ST8SIA5: variants seen among roughly 807,000 people sequenced by gnomAD.
ST8SIA5 encodes alpha-2,8-sialyltransferase 8E.
A neutral mutation model predicts 40.2 loss-of-function variants in ST8SIA5; 24 were observed. The ratio of observed to expected loss-of-function variants is 0.60; its 90% confidence interval spans 0.43 to 0.84. The LOEUF is 0.84. Ranked by LOEUF, ST8SIA5 falls within the 40% of genes least tolerant of loss-of-function variation. The pLI, the probability that ST8SIA5 is intolerant of heterozygous loss-of-function variation, is 0.00. For synonymous variants in ST8SIA5, 198 were observed against 201.8 expected (o/e 0.98, Z 0.16); for missense variants, 465 against 498.5 (o/e 0.93, Z 0.64).
rs2039373470 is a variant in ST8SIA5 at position 46,680,129 on chromosome 18, G to A, written c.1044C>T (p.His348=). 1.2e-6 allele frequency: 2 copies of A among 1,614,098 alleles called. No homozygotes were observed. Among genetic ancestry groups the A allele is most frequent in the South Asian group, 2.2e-5 (2 of 91,094 alleles). The part of the protein sequence containing the change: ...YDNVKPRPGF[H]AMPSEIFNFL... Reference sequence around the variant, plus strand: ...AGTTGAAGATCTCAGAGGGCATGGCGTGGAAGCCGGGACGCGGCTTGACGT... The same window carrying A: ...AGTTGAAGATCTCAGAGGGCATGGCATGGAAGCCGGGACGCGGCTTGACGT... Residue 348 remains histidine (H), a synonymous_variant, in exon 7 of 7, where the codon CAC becomes CAT. Coordinates refer to ENST00000315087, the MANE Select transcript of ST8SIA5 (RefSeq NM_013305.6).
At chr18:46,719,820 C>CTCTT (rs71162819) in intron 1 of ST8SIA5, among the ~76,000 whole-genome samples, 113,777 of 137,728 alleles carry the variant, frequency 0.83, 47,416 homozygotes, top group East Asian at 0.95. Context: ...TCCTTCCTTT[C>CTCTT]TCTTTCTTTC....
intron 1 of ST8SIA5, among the ~76,000 whole-genome samples, chr18:46,705,136 C>T (rs1174569171): frequency 1.3e-5 from 2 of 152,212 alleles, no homozygotes; most frequent in Non-Finnish European, 2.9e-5. Flanking sequence ...TACACTGTGA[C>T]ATAGCTGAGA....
rs2039288815 is a variant in ST8SIA5 at position 46,668,511 on chromosome 18, C to T, written c.*11531G>A. On this transcript the variant is annotated 3_prime_UTR_variant, in exon 7 of 7. Coordinates refer to ENST00000315087, the MANE Select transcript of ST8SIA5 (RefSeq NM_013305.6). ...GACTCCAGCATCTGTCCTGGCTTTA[C>T]TTGGGGAGGGAAGTGGCGGGGGATT... 1 of 152,812 alleles carries T rather than the reference C, an allele frequency of 6.5e-6. No homozygotes were observed. The highest frequency in any genetic ancestry group is 1.5e-5 in the Non-Finnish European group (1 of 68,174). The allele number at this position is 152,812 out of a possible 1,614,324, so 9.5% of individuals were successfully genotyped here. A position where few individuals can be genotyped will look rare whatever the true frequency, so the allele number is the denominator to read the frequency against.
Position 46,756,753 on chromosome 18 carries a change from T to G in ST8SIA5, c.-245A>C. The G allele has an allele frequency of 4.4e-6, 2 of 451,772 alleles. No individual in the cohort carries two copies. Among genetic ancestry groups the G allele is most frequent in the Non-Finnish European group, 7.7e-6 (2 of 259,476 alleles). The allele number at this position is 451,772 out of a possible 1,614,324, so 28.0% of individuals were successfully genotyped here. A position where few individuals can be genotyped will look rare whatever the true frequency, so the allele number is the denominator to read the frequency against. On this transcript the variant is annotated 5_prime_UTR_variant, in exon 1 of 7. Transcript: ENST00000315087. Reference sequence around the variant, plus strand: ...GGGAGCTCTGCCGCGGCCAGGGGCCTTCCCCACCCCCGGGTACCTTTACCT... The same window carrying G: ...GGGAGCTCTGCCGCGGCCAGGGGCCGTCCCCACCCCCGGGTACCTTTACCT...
chr18:46,735,820 C>A (rs2040028655), intron 1 of ST8SIA5, among the ~76,000 whole-genome samples: 1 of 152,022 alleles, frequency 6.6e-6, no homozygotes, highest in African/African-American at 2.4e-5. Flanking sequence ...ACTCTGCTGC[C>A]CAGGCTAGTC....
At chr18:46,725,996 T>TATATATATATATCCTGG (rs2039922123) in intron 1 of ST8SIA5, among the ~76,000 whole-genome samples, 3 of 66,054 alleles carry the variant, frequency 4.5e-5, no homozygotes, top group Non-Finnish European at 8.7e-5. Context: ...TATATATATA[T>TATATATATATATCCTGG]ATATATATAT....
chr18:46,750,187 G>T (rs549129968), intron 1 of ST8SIA5, among the ~76,000 whole-genome samples: 19 of 152,270 alleles, frequency 1.2e-4, no homozygotes, highest in Middle Eastern at 3.4e-3. Flanking sequence ...AAGGCCCAAG[G>T]TTATTTGGTT....
chr18:46,669,652 C>T lies in ST8SIA5; in HGVS notation c.*10390G>A, dbSNP rs447137. Reference sequence around the variant, plus strand: ...AGAGGATGATCAGCCACACCATCACCCACACTGCAAAGTCCCTTGGAGATG... The same window carrying T: ...AGAGGATGATCAGCCACACCATCACTCACACTGCAAAGTCCCTTGGAGATG... On this transcript the variant is annotated 3_prime_UTR_variant, in exon 7 of 7. Coordinates refer to ENST00000315087, the MANE Select transcript of ST8SIA5 (RefSeq NM_013305.6). 0.23 allele frequency: 35,706 copies of T among 151,942 alleles called. 4,473 individuals are homozygous for T. Among genetic ancestry groups the T allele is most frequent in the Middle Eastern group, 0.3 (88 of 294 alleles). The allele number at this position is 151,942 out of a possible 1,614,324, so 9.4% of individuals were successfully genotyped here. A position where few individuals can be genotyped will look rare whatever the true frequency, so the allele number is the denominator to read the frequency against.
At chr18:46,705,260 C>A (rs938870522) in intron 1 of ST8SIA5, among the ~76,000 whole-genome samples, 1 of 152,146 alleles carries the variant, frequency 6.6e-6, no homozygotes, top group Non-Finnish European at 1.5e-5. Context: ...GGTCTACTTG[C>A]AGAACAGAAC....
chr18:46,726,015 GATAT>G lies in ST8SIA5; in HGVS notation c.132-21355_132-21352del, dbSNP rs530130795. Among the ~76,000 whole-genome samples, 17 of 31,104 alleles carry G rather than the reference GATAT, an allele frequency of 5.5e-4. 1 individual carries two copies. The highest frequency in any genetic ancestry group is 2.2e-3 in the African/African-American group (17 of 7,772). The allele number at this position is 31,104 out of a possible 152,430, so 20.4% of individuals were successfully genotyped here. ...TATATATATATATATATATATCCTGGATATATATATATATCCTGGATATATATAT... is the reference window on the plus strand; with the variant it reads ...TATATATATATATATATATATCCTGGATATATATATCCTGGATATATATAT... On this transcript the variant is annotated intron_variant, in intron 1 of 6. Coordinates refer to ENST00000315087, the MANE Select transcript of ST8SIA5 (RefSeq NM_013305.6).
chr18:46,674,448 A>G lies in ST8SIA5; in HGVS notation c.*5594T>C, dbSNP rs949879399. The G allele has an allele frequency of 6.6e-6, 1 of 152,150 alleles. No individual in the cohort carries two copies. The allele number at this position is 152,150 out of a possible 1,614,324, so 9.4% of individuals were successfully genotyped here. ...TGGGATGTGCTAGGTAAAAAAATCA[A>G]TAGAGGACTCTCCTCAGCTGACAAT... On this transcript the variant is annotated 3_prime_UTR_variant, in exon 7 of 7. Transcript: ENST00000315087.
intron 2 of ST8SIA5, among the ~76,000 whole-genome samples, chr18:46,695,099 C>G (rs1286356564): frequency 6.8e-6 from 1 of 146,398 alleles, no homozygotes; most frequent in South Asian, 2.2e-4. Flanking sequence ...GTGGAGGTTG[C>G]AATGAGCCGA....
intron 1 of ST8SIA5, among the ~76,000 whole-genome samples, chr18:46,726,669 A>G (rs2039933975): frequency 6.8e-6 from 1 of 146,532 alleles, no homozygotes. Flanking sequence ...CTGTAATCCC[A>G]TCACTTTGGG....
At position 46,674,091 on chromosome 18, in the gene ST8SIA5, T is replaced by C. The variant is rs902823951; in HGVS notation, c.*5951A>G. The C allele has an allele frequency of 3.9e-5, 6 of 152,198 alleles. No homozygotes were observed. The highest frequency in any genetic ancestry group is 1.4e-4 in the African/African-American group (6 of 41,450). The allele number at this position is 152,198 out of a possible 1,614,324, so 9.4% of individuals were successfully genotyped here. A position where few individuals can be genotyped will look rare whatever the true frequency, so the allele number is the denominator to read the frequency against. ...TGTTTCCCAGCCAAAGCATTCAGCA[T>C]GTTCCTCTAGTTTTTTAAACACCAT... On this transcript the variant is annotated 3_prime_UTR_variant, in exon 7 of 7. Coordinates refer to ENST00000315087, the MANE Select transcript of ST8SIA5 (RefSeq NM_013305.6).
At chr18:46,728,619 A>G (rs1454928820) in intron 1 of ST8SIA5, among the ~76,000 whole-genome samples, 2 of 152,226 alleles carry the variant, frequency 1.3e-5, no homozygotes, top group African/African-American at 4.8e-5. Context: ...CACAGCGTGC[A>G]GCCCAGGTCA....
intron 1 of ST8SIA5, among the ~76,000 whole-genome samples, chr18:46,718,329 C>CAA (rs34073971): frequency 0.023 from 2,988 of 128,192 alleles, 117 homozygotes; most frequent in African/African-American, 0.076. Context: ...AACTCTGTCT[C>CAA]AAAAAAAAAA....
chr18:46,710,105 C>T (rs2144508849), intron 1 of ST8SIA5, among the ~76,000 whole-genome samples: 1 of 152,290 alleles, frequency 6.6e-6, no homozygotes, highest in African/African-American at 2.4e-5. Flanking sequence ...TAAATAGTCC[C>T]AGCGGGTGAT....
At chr18:46,689,070 C>A in intron 3 of ST8SIA5, 151 bp from the exon 4 acceptor site, 1 of 865,646 alleles carries the variant, frequency 1.2e-6, no homozygotes, top group South Asian at 2.0e-5. Context: ...GGAGCCGAGG[C>A]CTCTCCTGCC....
intron 1 of ST8SIA5, among the ~76,000 whole-genome samples, chr18:46,752,275 G>T (rs563675362): frequency 6.6e-6 from 1 of 151,944 alleles, no homozygotes; most frequent in Non-Finnish European, 1.5e-5. Flanking sequence ...AGAGTCCCTC[G>T]TCCATTCCTC....
Sources: gnomAD v4.1 joint callset for allele counts (sites outside exome capture counted in the v4.1 genomes callset) on GRCh38, gnomAD v4.1.1 for gene constraint, MANE v1.5 for transcripts, NCBI Gene and HGNC (gene_info 2026-07-23, HGNC 2026-07-21) for gene names.